The following PGCKA1 variants were observed in gnomAD, a reference collection of about 807,000 sequenced individuals.
PGCKA1 encodes PDCD10 and GCKIII kinases-associated protein 1.
chr4:37,539,683 G>A, the PGCKA1 span, among the ~76,000 whole-genome samples: 7 of 152,070 alleles, frequency 4.6e-5, 1 homozygote, highest in African/African-American at 1.2e-4. Context: ...ACCCTGTGTC[G>A]CATTCACTGG....
chr4:37,504,273 G>A, the PGCKA1 span, among the ~76,000 whole-genome samples: 1 of 152,088 alleles, frequency 6.6e-6, no homozygotes, highest in African/African-American at 2.4e-5. Context: ...TCTCTATTCT[G>A]ATCCACTGGT....
the PGCKA1 span, among the ~76,000 whole-genome samples, chr4:37,515,639 T>C: frequency 1.3e-5 from 2 of 152,250 alleles, no homozygotes; most frequent in African/African-American, 2.4e-5. Flanking sequence ...TGATTACCAC[T>C]GAACTGTGTT....
At chr4:37,525,318 C>T in the PGCKA1 span, among the ~76,000 whole-genome samples, 1 of 152,138 alleles carries the variant, frequency 6.6e-6, no homozygotes, top group Non-Finnish European at 1.5e-5. Flanking sequence ...GCCAAAATTG[C>T]ACTTAACTTC....
the PGCKA1 span, among the ~76,000 whole-genome samples, chr4:37,497,152 T>G: frequency 6.6e-6 from 1 of 152,136 alleles, no homozygotes; most frequent in African/African-American, 2.4e-5. Flanking sequence ...CCTCATAGCT[T>G]AGCTCCCACA....
chr4:37,546,035 C>T, the PGCKA1 span, among the ~76,000 whole-genome samples: 2 of 152,194 alleles, frequency 1.3e-5, no homozygotes, highest in South Asian at 4.1e-4. Flanking sequence ...AAACTGCAAA[C>T]TAATAGATGA....
At chr4:37,591,552 G>C in the PGCKA1 span, 1 of 152,348 alleles carries the variant, frequency 6.6e-6, no homozygotes, top group Non-Finnish European at 1.5e-5. Flanking sequence ...TTCAACAGCG[G>C]GTTAAGCTCA....
the PGCKA1 span, among the ~76,000 whole-genome samples, chr4:37,577,923 T>C: frequency 1.3e-5 from 2 of 152,236 alleles, no homozygotes; most frequent in South Asian, 2.1e-4. Flanking sequence ...TTTGATATCA[T>C]TTCAATTTTT....
the PGCKA1 span, among the ~76,000 whole-genome samples, chr4:37,552,058 C>A: frequency 3.9e-5 from 6 of 152,170 alleles, no homozygotes; most frequent in African/African-American, 1.4e-4. Flanking sequence ...AGAAAAAAAA[C>A]AAGGAAGTGA....
the PGCKA1 span, among the ~76,000 whole-genome samples, chr4:37,475,910 G>T: frequency 1.3e-5 from 2 of 150,472 alleles, no homozygotes; most frequent in Non-Finnish European, 3.0e-5. Flanking sequence ...CAACTACAAG[G>T]AAGAGAAAGG....
chr4:37,518,306 C>T, the PGCKA1 span, among the ~76,000 whole-genome samples: 30,864 of 152,074 alleles, frequency 0.2, 3,828 homozygotes, highest in African/African-American at 0.34. Context: ...ATTGCTAGAT[C>T]GTATGGTAGC....
At chr4:37,461,820 C>T in the PGCKA1 span, among the ~76,000 whole-genome samples, 1 of 151,918 alleles carries the variant, frequency 6.6e-6, no homozygotes, top group South Asian at 2.1e-4. Flanking sequence ...GAAGAGAACT[C>T]AGACCAAGGA....
the PGCKA1 span, among the ~76,000 whole-genome samples, chr4:37,507,664 G>T: frequency 6.6e-6 from 1 of 151,910 alleles, no homozygotes; most frequent in African/African-American, 2.4e-5. Flanking sequence ...TACTATTTTT[G>T]ATTGGTTCAT....
At chr4:37,471,766 G>A in the PGCKA1 span, among the ~76,000 whole-genome samples, 756 of 152,230 alleles carry the variant, frequency 5.0e-3, 1 homozygote, top group Non-Finnish European at 7.6e-3. Context: ...AGTGCTAAAA[G>A]TAGAAGAATG....
At chr4:37,552,163 C>A in the PGCKA1 span, among the ~76,000 whole-genome samples, 1 of 152,018 alleles carries the variant, frequency 6.6e-6, no homozygotes, top group Non-Finnish European at 1.5e-5. Flanking sequence ...TGACTTAGAA[C>A]CCAATGTTAC....
At chr4:37,541,133 C>CT in the PGCKA1 span, among the ~76,000 whole-genome samples, 1 of 152,098 alleles carries the variant, frequency 6.6e-6, no homozygotes, top group African/African-American at 2.4e-5. Flanking sequence ...TTATTATGAA[C>CT]TGAAATCTCG....
the PGCKA1 span, among the ~76,000 whole-genome samples, chr4:37,523,350 T>C: frequency 6.6e-6 from 1 of 152,022 alleles, no homozygotes; most frequent in African/African-American, 2.4e-5. Flanking sequence ...GCCATTGCTA[T>C]GGGGAGTGAG....
the PGCKA1 span, among the ~76,000 whole-genome samples, chr4:37,532,247 A>G: frequency 6.6e-6 from 1 of 152,248 alleles, no homozygotes; most frequent in Non-Finnish European, 1.5e-5. Context: ...ACATGGGAAA[A>G]AGGAAATTTT....
the PGCKA1 span, among the ~76,000 whole-genome samples, chr4:37,485,264 T>C: frequency 2.0e-5 from 3 of 152,180 alleles, no homozygotes; most frequent in Non-Finnish European, 4.4e-5. Flanking sequence ...CCAAAGTTCA[T>C]GAGTTAGACA....
At chr4:37,520,864 G>A in the PGCKA1 span, among the ~76,000 whole-genome samples, 134 of 152,220 alleles carry the variant, frequency 8.8e-4, no homozygotes, top group Non-Finnish European at 1.2e-3. Flanking sequence ...CAATCCGCCC[G>A]CCTCAGCCTC....
Sources: allele counts gnomAD v4.1 joint callset (sites outside exome capture counted in the v4.1 genomes callset), GRCh38; gene constraint gnomAD v4.1.1; transcripts MANE v1.5; gene names NCBI Gene and HGNC (gene_info 2026-07-23, HGNC 2026-07-21).